The following RBFOX2 variants were observed in gnomAD, a reference collection of about 807,000 sequenced individuals.
The protein encoded by RBFOX2 is RNA binding fox-1 homolog 2, also known as RNA binding protein fox-1 homolog 2.
RBFOX2 carries 10 observed loss-of-function variants against 49.1 expected under a neutral mutation model. The observed-to-expected ratio is 0.20, with a 90% CI of 0.13 to 0.35. The LOEUF is 0.35. RBFOX2 is among the 10% of genes least tolerant of loss of function. The pLI, the probability that RBFOX2 is intolerant of heterozygous loss-of-function variation, is 1.00. For synonymous variants in RBFOX2, 183 were observed against 187.4 expected, an observed-to-expected ratio of 0.98 and a Z score of 0.19; for missense variants, 323 against 486.9, an observed-to-expected ratio of 0.66 and a Z score of 3.17.
At chr22:36,027,819 C>A (rs909845324) in intron 1 of RBFOX2, among the ~76,000 whole-genome samples, 1 of 152,030 alleles carries the variant, frequency 6.6e-6, no homozygotes, top group Non-Finnish European at 1.5e-5. Context: ...CCAGCGTGTG[C>A]CCAGGGCTGC....
intron 1 of RBFOX2, among the ~76,000 whole-genome samples, chr22:35,894,530 C>T (rs1374194298): frequency 6.6e-6 from 1 of 152,158 alleles, no homozygotes; most frequent in African/African-American, 2.4e-5. Flanking sequence ...CACAACTTCA[C>T]CTGCCCCACT....
At chr22:35,906,043 T>G (rs1302138946) in intron 1 of RBFOX2, among the ~76,000 whole-genome samples, 1 of 152,246 alleles carries the variant, frequency 6.6e-6, no homozygotes, top group Non-Finnish European at 1.5e-5. Context: ...TAGGTTTGTG[T>G]AAGTACATTC....
intron 1 of RBFOX2, among the ~76,000 whole-genome samples, chr22:35,834,619 T>C (rs1957335107): frequency 6.6e-6 from 1 of 152,134 alleles, no homozygotes; most frequent in African/African-American, 2.4e-5. Context: ...AGAAGAAATA[T>C]TCAAGAGTAG....
At chr22:35,914,229 G>C (rs1161007823) in intron 1 of RBFOX2, among the ~76,000 whole-genome samples, 1 of 152,028 alleles carries the variant, frequency 6.6e-6, no homozygotes, top group African/African-American at 2.4e-5. Context: ...TGTAAAATTG[G>C]GTTAACAGCA....
rs112318147 is a variant in RBFOX2 at position 35,794,583 on chromosome 22, G to A, written c.253-12837C>T. Among the ~76,000 whole-genome samples the A allele has an allele frequency of 5.5e-3, 832 of 152,004 alleles. 10 individuals are homozygous for A. Among genetic ancestry groups the A allele is most frequent in the African/African-American group, 0.019 (770 of 41,426 alleles). ...TGAGGCAAGAGAATGGCGTGAACCC[G>A]GGAGGCGGAACTTACAGTGAGCCGA... On this transcript the variant is annotated intron_variant, in intron 2 of 11. Coordinates refer to ENST00000405409, the Ensembl canonical transcript of RBFOX2.
intron 9 of RBFOX2, among the ~76,000 whole-genome samples, chr22:35,757,223 TA>T (rs757386488): frequency 3.2e-3 from 422 of 131,768 alleles, no homozygotes; most frequent in Middle Eastern, 7.5e-3. Context: ...TGCATGACTT[TA>T]AAAAAAAAAA....
intron 1 of RBFOX2, among the ~76,000 whole-genome samples, chr22:35,820,462 G>C (rs1954219992): frequency 6.6e-6 from 1 of 152,054 alleles, no homozygotes; most frequent in Non-Finnish European, 1.5e-5. Flanking sequence ...ATAGGTATTT[G>C]GGCATCTACT....
intron 1 of RBFOX2, among the ~76,000 whole-genome samples, chr22:35,846,552 GC>G (rs1397767727): frequency 2.6e-5 from 4 of 151,512 alleles, no homozygotes; most frequent in African/African-American, 9.7e-5. Flanking sequence ...TTCAAGACCA[GC>G]CTGACCAACA....
intron 1 of RBFOX2, among the ~76,000 whole-genome samples, chr22:35,933,874 TCACCTG>T (rs1468294855): frequency 6.7e-6 from 1 of 149,348 alleles, no homozygotes; most frequent in African/African-American, 2.5e-5. Flanking sequence ...TTGTGTTTAT[TCACCTG>T]CCAGTTTATA....
intron 1 of RBFOX2, among the ~76,000 whole-genome samples, chr22:35,833,799 A>T (rs1010326980): frequency 1.3e-5 from 2 of 152,204 alleles, no homozygotes; most frequent in Admixed American, 1.3e-4. Context: ...ACTGCTGAGT[A>T]AGTATATAAG....
exon 12 of RBFOX2, chr22:35,743,349 T>C (rs1367500808): frequency 1.3e-5 from 2 of 152,216 alleles, no homozygotes; most frequent in East Asian, 1.9e-4. Flanking sequence ...AATAAAAGAA[T>C]ACATGAGCTA....
chr22:35,975,708 A>G (rs1207532132), intron 1 of RBFOX2, among the ~76,000 whole-genome samples: 1 of 152,064 alleles, frequency 6.6e-6, no homozygotes, highest in Non-Finnish European at 1.5e-5. Context: ...TGATGTCAGG[A>G]ACAGAAAAAA....
At chr22:35,949,953 G>A (rs935264962) in intron 1 of RBFOX2, among the ~76,000 whole-genome samples, 2 of 152,044 alleles carry the variant, frequency 1.3e-5, no homozygotes, top group African/African-American at 2.4e-5. Flanking sequence ...TTTGTTGCCT[G>A]TGATTTTGGT....
intron 1 of RBFOX2, among the ~76,000 whole-genome samples, chr22:35,956,773 T>C (rs994740229): frequency 9.2e-5 from 14 of 152,218 alleles, no homozygotes; most frequent in African/African-American, 2.7e-4. Context: ...CAGAAGCAGT[T>C]TTCCTTTAGA....
chr22:35,834,259 T>C (rs867568484), intron 1 of RBFOX2, among the ~76,000 whole-genome samples: 55 of 152,292 alleles, frequency 3.6e-4, no homozygotes, highest in African/African-American at 1.3e-3. Context: ...TTTTGTACAA[T>C]GGAGATAACA....
chr22:35,763,470 G>A (rs1004347973), intron 6 of RBFOX2, among the ~76,000 whole-genome samples: 1 of 152,182 alleles, frequency 6.6e-6, no homozygotes, highest in African/African-American at 2.4e-5. Flanking sequence ...GCTGAGGCAC[G>A]AGTATCGCTT....
At chr22:36,013,338 T>C (rs929875678) in intron 1 of RBFOX2, among the ~76,000 whole-genome samples, 2 of 152,072 alleles carry the variant, frequency 1.3e-5, no homozygotes. Flanking sequence ...AATAAGAAAA[T>C]AGGACTGAGT....
intron 1 of RBFOX2, among the ~76,000 whole-genome samples, chr22:35,869,882 T>C (rs555267114): frequency 2.0e-5 from 3 of 152,352 alleles, no homozygotes; most frequent in East Asian, 3.9e-4. Context: ...TTTACTTTTA[T>C]CTTCTGAAAC....
intron 6 of RBFOX2, among the ~76,000 whole-genome samples, chr22:35,764,366 C>A (rs560768947): frequency 1.2e-3 from 186 of 152,064 alleles, no homozygotes; most frequent in African/African-American, 4.3e-3. Context: ...GGGCGGATCA[C>A]GAGGTCAGGA....
Sources: allele counts gnomAD v4.1 joint callset (sites outside exome capture counted in the v4.1 genomes callset), GRCh38; gene constraint gnomAD v4.1.1; transcripts MANE v1.5; gene names NCBI Gene and HGNC (gene_info 2026-07-23, HGNC 2026-07-21).